Variants in TRPM3 observed in about 807,000 individuals in gnomAD.
The protein encoded by TRPM3 is long transient receptor potential channel 3.
In TRPM3, 77 loss-of-function variants were observed where a neutral mutation model predicts 181.2. The observed-to-expected ratio is 0.42, with a 90% CI of 0.35 to 0.51. The LOEUF (loss-of-function observed/expected upper bound fraction) is 0.51, where lower values mean the gene tolerates loss of function less well. Among genes scored for constraint, TRPM3 ranks in the 20% least tolerant of loss-of-function variants. TRPM3 has a pLI of 0.01. For missense variants in TRPM3, 1,759 were observed against 2,196.7 expected (o/e 0.80, Z 3.98); for synonymous variants, 745 against 796.4 (o/e 0.94, Z 1.09).
chr9:71,081,509 C>T (rs1014772618), intron 1 of TRPM3, among the ~76,000 whole-genome samples: 18 of 152,110 alleles, frequency 1.2e-4, no homozygotes, highest in Non-Finnish European at 2.5e-4. Flanking sequence ...AAGGCTCAAA[C>T]AAGGGAAGTT....
chr9:71,107,813 T>C (rs1037516532), intron 1 of TRPM3, among the ~76,000 whole-genome samples: 2 of 152,336 alleles, frequency 1.3e-5, no homozygotes, highest in South Asian at 2.1e-4. Context: ...CCTTTAAACA[T>C]GGTTAATTTT....
rs764990489 is a variant in TRPM3 at position 70,752,045 on chromosome 9, TGTGTGCGCGC to T, written c.1272+9546_1272+9555del. 9.9e-4 allele frequency among the ~76,000 whole-genome samples: 102 copies of T among 102,532 alleles called. 1 individual carries two copies. Among genetic ancestry groups the T allele is most frequent in the East Asian group, 4.1e-3 (14 of 3,410 alleles). The allele number at this position is 102,532 out of a possible 152,430, so 67.3% of individuals were successfully genotyped here. ...GTGTGTGTGTGTGTGTGTGTGTGTG[TGTGTGCGCGC>T]GCGCGCGCATACACATGTACATGCA... On this transcript the variant is annotated intron_variant, in intron 8 of 25. Transcript: ENST00000677713.
chr9:71,200,171 A>G (rs2131722542), intron 1 of TRPM3, among the ~76,000 whole-genome samples: 1 of 152,140 alleles, frequency 6.6e-6, no homozygotes. Context: ...GTTTCCATGT[A>G]GTTGAGTGGT....
chr9:71,262,457 G>T (rs924612057), intron 1 of TRPM3, among the ~76,000 whole-genome samples: 2 of 152,194 alleles, frequency 1.3e-5, no homozygotes, highest in African/African-American at 4.8e-5. Flanking sequence ...TGGGCTCTGT[G>T]GGGGTGGGAT....
At chr9:70,773,431 A>G (rs2080733484) in intron 7 of TRPM3, among the ~76,000 whole-genome samples, 1 of 152,228 alleles carries the variant, frequency 6.6e-6, no homozygotes, top group South Asian at 2.1e-4. Flanking sequence ...GAAGCTCTAA[A>G]AAATATTAAT....
At chr9:71,434,212 TC>T (rs368092121) in intron 1 of TRPM3, among the ~76,000 whole-genome samples, 1 of 151,690 alleles carries the variant, frequency 6.6e-6, no homozygotes, top group African/African-American at 2.4e-5. Flanking sequence ...AATGTTTGTG[TC>T]CCCCCCAAAA....
At chr9:71,239,290 C>T (rs569154888) in intron 1 of TRPM3, among the ~76,000 whole-genome samples, 216 of 152,128 alleles carry the variant, frequency 1.4e-3, no homozygotes, top group African/African-American at 5.0e-3. Context: ...ACTCATAGTT[C>T]CTGCAATTTA....
At chr9:71,193,986 CAT>C (rs1202062827) in intron 1 of TRPM3, among the ~76,000 whole-genome samples, 1 of 151,938 alleles carries the variant, frequency 6.6e-6, no homozygotes, top group Non-Finnish European at 1.5e-5. Context: ...TATGCATACA[CAT>C]ATACAAATTT....
intron 1 of TRPM3, among the ~76,000 whole-genome samples, chr9:71,023,946 A>G (rs1035322518): frequency 2.0e-5 from 3 of 152,326 alleles, no homozygotes; most frequent in East Asian, 1.9e-4. Context: ...GAACATACAC[A>G]TGATAAAATT....
intron 1 of TRPM3, chr9:70,917,460 C>A: frequency 1.3e-6 from 1 of 753,824 alleles, no homozygotes; most frequent in Non-Finnish European, 2.4e-6. Context: ...AACAAGGCCA[C>A]CCGCACTGTC....
At chr9:70,835,969 G>A (rs564107084) in intron 5 of TRPM3, among the ~76,000 whole-genome samples, 2 of 152,294 alleles carry the variant, frequency 1.3e-5, no homozygotes, top group African/African-American at 4.8e-5. Context: ...GAATGCCACT[G>A]TGAGAATTAA....
In TRPM3 at chr9:71,348,867, A is replaced by T. The variant is rs985450483; in HGVS notation, c.183+97786T>A. ...ATTACAGGCATGAGCCACTGTGCCC[A>T]GCCAGTTTTGATTATTTATGACAGA... On this transcript the variant is annotated intron_variant, in intron 1 of 24. Transcript: ENST00000357533. Among the ~76,000 whole-genome samples the T allele has an allele frequency of 2.6e-5, 4 of 152,290 alleles. No individual in the cohort carries two copies. In the South Asian group the frequency reaches 8.3e-4, roughly 32 times the overall value.
intron 1 of TRPM3, among the ~76,000 whole-genome samples, chr9:71,000,048 G>C (rs2134223400): frequency 6.6e-6 from 1 of 152,266 alleles, no homozygotes; most frequent in East Asian, 1.9e-4. Context: ...AAAGCTGTTG[G>C]GGATGGCCCC....
At chr9:71,027,794 ACT>A (rs1388881378) in intron 1 of TRPM3, among the ~76,000 whole-genome samples, 1 of 152,014 alleles carries the variant, frequency 6.6e-6, no homozygotes, top group African/African-American at 2.4e-5. Flanking sequence ...ATAAACAAAA[ACT>A]CTGAGAAATA....
chr9:71,163,648 G>C (rs2134726592), intron 1 of TRPM3, among the ~76,000 whole-genome samples: 1 of 152,186 alleles, frequency 6.6e-6, no homozygotes, highest in South Asian at 2.1e-4. Flanking sequence ...CATCAGTGTG[G>C]GTACATTAGT....
At chr9:70,660,351 A>G (rs1201083838) in intron 9 of TRPM3, among the ~76,000 whole-genome samples, 6 of 152,124 alleles carry the variant, frequency 3.9e-5, no homozygotes, top group Non-Finnish European at 5.9e-5. Context: ...TCAGAAACTC[A>G]AAAGAATGCA....
intron 1 of TRPM3, among the ~76,000 whole-genome samples, chr9:71,166,831 A>T (rs191497705): frequency 2.0e-4 from 31 of 152,342 alleles, no homozygotes; most frequent in African/African-American, 7.2e-4. Context: ...TAAGTTATTT[A>T]GAAATAAGAG....
chr9:71,047,321 A>G (rs2059556595), intron 1 of TRPM3, among the ~76,000 whole-genome samples: 1 of 152,186 alleles, frequency 6.6e-6, no homozygotes, highest in African/African-American at 2.4e-5. Context: ...TGGCTCTTCA[A>G]TTTTTTAATA....
intron 1 of TRPM3, among the ~76,000 whole-genome samples, chr9:70,871,547 G>A (rs2095790181): frequency 6.6e-6 from 1 of 151,946 alleles, no homozygotes; most frequent in African/African-American, 2.4e-5. Context: ...TTTTGCTTAA[G>A]TGAAAAAGGA....
Sources: allele counts gnomAD v4.1 joint callset (sites outside exome capture counted in the v4.1 genomes callset), GRCh38; gene constraint gnomAD v4.1.1; transcripts MANE v1.5; gene names NCBI Gene and HGNC (gene_info 2026-07-23, HGNC 2026-07-21).